Variants in PPEF2 observed in about 807,000 individuals in gnomAD.
The protein encoded by PPEF2 is serine/threonine-protein phosphatase with EF-hands 2.
In PPEF2, 84 loss-of-function variants were observed where a neutral mutation model predicts 84.7. The observed-to-expected ratio is 0.99, with a 90% CI of 0.83 to 1.19. The LOEUF (loss-of-function observed/expected upper bound fraction) is 1.19. Ranked by LOEUF, PPEF2 falls within the 50% of genes most tolerant of loss-of-function variation. The probability of loss-of-function intolerance (pLI) is 0.00; values close to 1 mark genes in which losing one functional copy is unlikely to be tolerated. For synonymous variants in PPEF2, 346 were observed against 345.2 expected, an observed-to-expected ratio of 1.00 and a Z score of -0.03; for missense variants, 924 against 937.5, an observed-to-expected ratio of 0.99 and a Z score of 0.19.
At chr4:75,867,543 GGAGA>G in intron 13 of PPEF2, 124 bp from the exon 14 acceptor site, 3 of 647,498 alleles carry the variant, frequency 4.6e-6, no homozygotes, top group Non-Finnish European at 7.9e-6. Context: ...AGTTTTCGAG[GGAGA>G]GCGCCTTTAC....
intron 10 of PPEF2, among the ~76,000 whole-genome samples, chr4:75,882,276 T>A (rs1391619564): frequency 1.3e-5 from 2 of 152,216 alleles, no homozygotes; most frequent in African/African-American, 4.8e-5. Flanking sequence ...TCTTCATCTT[T>A]TTTTTCTGCC....
At chr4:75,861,503 TA>T (rs139329932) in intron 16 of PPEF2, among the ~76,000 whole-genome samples, 9,582 of 144,948 alleles carry the variant, frequency 0.066, 443 homozygotes, top group Non-Finnish European at 0.1. Flanking sequence ...TAACACTATA[TA>T]AAAAAAACTA....
chr4:75,863,516 A>G (rs1482684580), intron 16 of PPEF2, among the ~76,000 whole-genome samples: 2 of 150,176 alleles, frequency 1.3e-5, no homozygotes, highest in East Asian at 3.9e-4. Flanking sequence ...AAAAAAAAAA[A>G]AAGTTATAAA....
intron 5 of PPEF2, 101 bp downstream of exon 5, chr4:75,889,856 G>A: frequency 2.2e-6 from 3 of 1,340,174 alleles, no homozygotes; most frequent in Non-Finnish European, 3.2e-6. Context: ...CACATGACAT[G>A]AACACCCTAA....
chr4:75,890,402 T>A (rs1198164325), intron 4 of PPEF2, among the ~76,000 whole-genome samples: 2 of 148,804 alleles, frequency 1.3e-5, no homozygotes, highest in African/African-American at 5.0e-5. Flanking sequence ...GATGGGAGGA[T>A]CACATAAGCC....
chr4:75,871,084 A>AT (rs1210871072), intron 13 of PPEF2, among the ~76,000 whole-genome samples: 2 of 151,158 alleles, frequency 1.3e-5, no homozygotes, highest in South Asian at 2.1e-4. Context: ...CGCCTGGCTA[A>AT]TTTTTTTGTA....
chr4:75,886,642 C>T (rs965347138), intron 7 of PPEF2, among the ~76,000 whole-genome samples: 3 of 152,060 alleles, frequency 2.0e-5, no homozygotes, highest in Non-Finnish European at 2.9e-5. Context: ...ATTGCTTGAA[C>T]CTGGGAGGCA....
chr4:75,870,006 T>G (rs1724230719), intron 13 of PPEF2, among the ~76,000 whole-genome samples: 1 of 152,244 alleles, frequency 6.6e-6, no homozygotes, highest in Non-Finnish European at 1.5e-5. Context: ...ATAAGTGATT[T>G]CTGGGTAAAT....
intron 8 of PPEF2, among the ~76,000 whole-genome samples, chr4:75,883,767 G>A (rs4397019): frequency 0.87 from 126,218 of 144,334 alleles, 57,521 homozygotes; most frequent in Non-Finnish European, 1. Context: ...GCAGTGAGCC[G>A]AGATCGCACC....
At chr4:75,883,385 ATATTTT>A (rs1724629220) in intron 8 of PPEF2, 183 bp from the exon 9 acceptor site, 1 of 596,582 alleles carries the variant, frequency 1.7e-6, no homozygotes, top group Non-Finnish European at 2.9e-6. Context: ...AAATTATGGG[ATATTTT>A]AATTTTCTTC....
chr4:75,872,643 C>T (rs1724309869), intron 12 of PPEF2, among the ~76,000 whole-genome samples: 1 of 152,136 alleles, frequency 6.6e-6, no homozygotes, highest in Non-Finnish European at 1.5e-5. Context: ...TGTATCTCTT[C>T]CTGAGGATTT....
rs764404255 is a variant in PPEF2 at position 75,864,503 on chromosome 4, T to C, written c.1945A>G (p.Thr649Ala). The C allele has an allele frequency of 6.2e-7, 1 of 1,613,012 alleles. No individual in the cohort carries two copies. Among genetic ancestry groups the C allele is most frequent in the East Asian group, 2.2e-5 (1 of 44,852 alleles). ...AGGTTGGATCGGTTTCGATACAATGTTTCCAGCAAACTTGATTGTATGTTC... is the reference window on the plus strand; with the variant it reads ...AGGTTGGATCGGTTTCGATACAATGCTTCCAGCAAACTTGATTGTATGTTC... Reference protein sequence around the residue: ...RENIQSSLLETLYRNRSNLET... With the variant: ...RENIQSSLLEALYRNRSNLET... Residue 649 changes from threonine to alanine, a missense_variant, in exon 16 of 17, where the codon ACA becomes GCA. Thr to Ala is a moderately conservative substitution (Grantham distance 58). Coordinates refer to ENST00000286719, the MANE Select transcript of PPEF2 (RefSeq NM_006239.3).
intron 13 of PPEF2, 76 bp downstream of exon 13, chr4:75,871,949 C>A: frequency 7.1e-7 from 1 of 1,414,578 alleles, no homozygotes; most frequent in Non-Finnish European, 9.6e-7. Flanking sequence ...ATAAATATAA[C>A]GTTTGACACT....
chr4:75,882,797 T>TACTCTTAATGGCCTCCAC, intron 10 of PPEF2, 129 bp downstream of exon 10: 3 of 1,013,546 alleles, frequency 3.0e-6, no homozygotes, highest in Non-Finnish European at 4.3e-6. Flanking sequence ...CCAGCCTCCA[T>TACTCTTAATGGCCTCCAC]ACTCTTAATG....
chr4:75,869,676 G>A (rs1265828456), intron 13 of PPEF2, among the ~76,000 whole-genome samples: 1 of 152,012 alleles, frequency 6.6e-6, no homozygotes, highest in African/African-American at 2.4e-5. Context: ...GTGAGACTTC[G>A]TCTCTACAAA....
At chr4:75,880,827 G>A (rs1270940758) in intron 10 of PPEF2, among the ~76,000 whole-genome samples, 2 of 133,772 alleles carry the variant, frequency 1.5e-5, no homozygotes, top group Admixed American at 8.1e-5. Context: ...TTGAGACAGA[G>A]TCTCACTCTG....
Position 75,884,712 on chromosome 4 carries a change from CAA to C in PPEF2, c.626_627del (p.Phe209CysfsTer28), listed in dbSNP as rs1225500264. 2 of 1,612,840 alleles carry C rather than the reference CAA, an allele frequency of 1.2e-6. No individual in the cohort carries two copies. Among genetic ancestry groups the C allele is most frequent in the Non-Finnish European group, 1.7e-6 (2 of 1,179,728 alleles). Reference protein sequence around the residue: ...PERSYVFNGDFVDRGKDSVEI... With the variant: ...PERSYVFNGDXVDRGKDSVEI... ...TCTACTGAATCCTTGCCTCGATCCA[CAA>C]AGTCACCGTTGAACACATATGACCG... On this transcript the variant is annotated frameshift_variant, in exon 8 of 17. Coordinates refer to ENST00000286719, the MANE Select transcript of PPEF2 (RefSeq NM_006239.3). LOFTEE classifies it high-confidence loss of function.
At chr4:75,885,969 A>G (rs999926649) in intron 7 of PPEF2, among the ~76,000 whole-genome samples, 2 of 151,692 alleles carry the variant, frequency 1.3e-5, no homozygotes, top group Non-Finnish European at 2.9e-5. Context: ...AGATCGTGCC[A>G]TTGCATTCCA....
At chr4:75,888,648 G>A (rs1262591039) in intron 5 of PPEF2, among the ~76,000 whole-genome samples, 1 of 152,214 alleles carries the variant, frequency 6.6e-6, no homozygotes, top group East Asian at 1.9e-4. Context: ...AAGTGCAGGT[G>A]TGTTGATGGT....
Sources: allele counts gnomAD v4.1 joint callset (sites outside exome capture counted in the v4.1 genomes callset), GRCh38; gene constraint gnomAD v4.1.1; transcripts MANE v1.5; gene names NCBI Gene and HGNC (gene_info 2026-07-23, HGNC 2026-07-21).